NR1I3: variants seen among roughly 807,000 people sequenced by gnomAD.
NR1I3 encodes the protein constitutive activator of retinoid response.
NR1I3 carries 30 observed loss-of-function variants against 38.4 expected under a neutral mutation model. The observed-to-expected ratio is 0.78, with a 90% CI of 0.58 to 1.06. The LOEUF (loss-of-function observed/expected upper bound fraction) is 1.06, where lower values mean the gene tolerates loss of function less well. NR1I3 is among the 50% of genes least tolerant of loss of function. The pLI, the probability that NR1I3 is intolerant of heterozygous loss-of-function variation, is 0.00. For missense variants in NR1I3, 388 were observed against 435.7 expected, an observed-to-expected ratio of 0.89 and a Z score of 0.97; for synonymous variants, 143 against 165.1, an observed-to-expected ratio of 0.87 and a Z score of 1.03.
chr1:161,231,496 G>A, intron 5 of NR1I3, 22 bp from the exon 6 acceptor site: 1 of 1,573,592 alleles, frequency 6.4e-7, no homozygotes, highest in Non-Finnish European at 8.5e-7. Flanking sequence ...AGGAAACAAG[G>A]ACACTTTTCA....
chr1:161,233,949 G>GTATATATGTA (rs1668017518), intron 3 of NR1I3, among the ~76,000 whole-genome samples: 1 of 144,012 alleles, frequency 6.9e-6, no homozygotes, highest in Non-Finnish European at 1.5e-5. Flanking sequence ...GTATATATGT[G>GTATATATGTA]TATATATGTG....
intron 1 of NR1I3, among the ~76,000 whole-genome samples, chr1:161,237,406 A>G (rs1475144611): frequency 6.6e-6 from 1 of 151,412 alleles, no homozygotes; most frequent in Non-Finnish European, 1.5e-5. Flanking sequence ...GTTTCACCAT[A>G]TTGGCCAGGC....
chr1:161,229,993 C>A, intron 8 of NR1I3, 67 bp from the exon 9 acceptor site: 1 of 1,581,062 alleles, frequency 6.3e-7, no homozygotes, highest in Admixed American at 1.7e-5. Flanking sequence ...AGTCTTGTCT[C>A]TAGGCCCTGA....
Position 161,238,065 on chromosome 1 carries a change from C to T in NR1I3, c.-58G>A. 1 of 1,614,000 alleles carries T rather than the reference C, an allele frequency of 6.2e-7. No individual in the cohort carries two copies. Among genetic ancestry groups the T allele is most frequent in the South Asian group, 1.1e-5 (1 of 91,080 alleles). Reference sequence around the variant, plus strand: ...CCTGCTTCTCTTAGGCAGCATGTCACCTGCAGGCCACAGAATCTGGTATGG... The same window carrying T: ...CCTGCTTCTCTTAGGCAGCATGTCATCTGCAGGCCACAGAATCTGGTATGG... On this transcript the variant is annotated 5_prime_UTR_variant, in exon 1 of 9. It adds an upstream start codon to the 5' untranslated region. Transcript: ENST00000367983.
intron 8 of NR1I3, chr1:161,230,271 TA>T (rs1488592750): frequency 3.1e-6 from 1 of 320,550 alleles, no homozygotes; most frequent in Non-Finnish European, 5.8e-6. Flanking sequence ...TTCTATGGTA[TA>T]AAGCATCCCC....
chr1:161,229,917 A>G lies in NR1I3; in HGVS notation c.927T>C (p.Tyr309=), dbSNP rs1295404457. The G allele has an allele frequency of 1.9e-6, 3 of 1,614,070 alleles. No individual in the cohort carries two copies. The highest frequency in any genetic ancestry group is 1.7e-5 in the Admixed American group (1 of 60,006). Residue 309 remains tyrosine (Y), a synonymous_variant, in exon 9 of 9, where the codon TAT becomes TAC. Coordinates refer to ENST00000367983, the MANE Select transcript of NR1I3 (RefSeq NM_005122.5). The stretch of plus-strand genomic sequence containing the variant: ...CAGCCAGCAGGCCTAGCAACTTCGC[A>G]TACAGAAACCTTTGGAGGAAGTAGT... The part of the protein sequence containing the change: ...QQRRPRDRFL[Y]AKLLGLLAEL...
Position 161,232,024 on chromosome 1 carries a change from G to A in NR1I3, c.549-550C>T, listed in dbSNP as rs1667442188. Among the ~76,000 whole-genome samples the A allele has an allele frequency of 2.0e-5, 3 of 151,810 alleles. No homozygotes were observed. In the South Asian group the frequency reaches 6.2e-4, roughly 32 times the overall value. ...TATTTTTGAGACAGAGTGTTGCTCT[G>A]TCACCCAGGCTGGATGTAGTGGCCT... is the stretch of plus-strand genomic sequence containing the variant. On this transcript the variant is annotated intron_variant, in intron 5 of 8. Transcript: ENST00000367983.
chr1:161,230,101 G>T, intron 8 of NR1I3, 175 bp from the exon 9 acceptor site: 2 of 708,980 alleles, frequency 2.8e-6, no homozygotes, highest in Non-Finnish European at 4.6e-6. Flanking sequence ...TCCTCCAGGG[G>T]GCCTCGGTCT....
chr1:161,230,154 G>A (rs1666818844), intron 8 of NR1I3: 2 of 525,806 alleles, frequency 3.8e-6, no homozygotes, highest in East Asian at 3.4e-5. Flanking sequence ...TCTGAACCCA[G>A]AGCTCTGAGA....
chr1:161,234,156 C>A (rs1309146421), intron 3 of NR1I3, among the ~76,000 whole-genome samples: 1 of 148,902 alleles, frequency 6.7e-6, no homozygotes, highest in Non-Finnish European at 1.5e-5. Flanking sequence ...TCACGCCCTG[C>A]TAATTTTTTT....
chr1:161,233,837 A>ATATGTGTG (rs1491171086), intron 3 of NR1I3, among the ~76,000 whole-genome samples: 2 of 118,578 alleles, frequency 1.7e-5, no homozygotes, highest in Non-Finnish European at 3.4e-5. Flanking sequence ...TCATATATAT[A>ATATGTGTG]TGTGTGTGTG....
At position 161,230,021 on chromosome 1, in the gene NR1I3, C is replaced by T; in HGVS notation, c.918-95G>A. The T allele has an allele frequency of 2.1e-6, 3 of 1,429,296 alleles. No homozygotes were observed. In the South Asian group the frequency reaches 3.8e-5, roughly 18 times the overall value. The allele number at this position is 1,429,296 out of a possible 1,614,324, so 88.5% of individuals were successfully genotyped here. ...GGCCCTGATCCCCTGAACTATTCCT[C>T]AGTGAAGCCAGGTCTGAACATTAGA... On this transcript the variant is annotated intron_variant, in intron 8 of 8. Coordinates refer to ENST00000367983, the MANE Select transcript of NR1I3 (RefSeq NM_005122.5).
rs761756373 is a variant in NR1I3, at chr1:161,230,899, C to T, written c.831G>A (p.Gln277=). ...CTTGCAGCTGATCAATCTCATCTCT[C>T]TGGGTAACTCCAGGTCGGTCTGTAA... is the stretch of plus-strand genomic sequence containing the variant. ...LFSPDRPGVT[Q]RDEIDQLQEE... is the part of the protein sequence containing the mutation. The change falls in exon 8 of 9, where the codon CAG becomes CAA. Residue 277 remains glutamine (Q), a synonymous_variant. Transcript: ENST00000367983. The T allele has an allele frequency of 1.2e-6, 2 of 1,614,128 alleles. No individual in the cohort carries two copies. Among genetic ancestry groups the T allele is most frequent in the Admixed American group, 3.3e-5 (2 of 60,022 alleles).
chr1:161,233,028 C>T (rs1667704908), intron 4 of NR1I3, 82 bp from the exon 5 acceptor site: 1 of 1,591,580 alleles, frequency 6.3e-7, no homozygotes, highest in Non-Finnish European at 8.6e-7. Flanking sequence ...TGGAAGAGTT[C>T]CTTGCTGAGA....
intron 1 of NR1I3, 54 bp from the exon 2 acceptor site, chr1:161,236,652 G>T: frequency 6.4e-7 from 1 of 1,573,634 alleles, no homozygotes; most frequent in Non-Finnish European, 8.6e-7. Context: ...ACCCTTTTCT[G>T]TCCCTTCTAG....
At chr1:161,231,646 G>C (rs375684324) in intron 5 of NR1I3, among the ~76,000 whole-genome samples, 172 bp from the exon 6 acceptor site, 31 of 151,986 alleles carry the variant, frequency 2.0e-4, no homozygotes, top group African/African-American at 7.2e-4. Context: ...GATTACAGGC[G>C]TGTGCCACCA....
intron 5 of NR1I3, 76 bp downstream of exon 5, chr1:161,232,731 A>C: frequency 7.1e-7 from 1 of 1,410,516 alleles, no homozygotes; most frequent in South Asian, 1.2e-5. Context: ...GATAATTTGT[A>C]GTCAGTGACT....
At chr1:161,230,765 C>G (rs1282218763) in intron 8 of NR1I3, 48 bp downstream of exon 8, 1 of 1,612,400 alleles carries the variant, frequency 6.2e-7, no homozygotes, top group Non-Finnish European at 8.5e-7. Flanking sequence ...TTTCACCAAC[C>G]CCTTCCTGCC....
chr1:161,230,006 C>T, intron 8 of NR1I3, 80 bp from the exon 9 acceptor site: 2 of 1,531,332 alleles, frequency 1.3e-6, no homozygotes, highest in South Asian at 1.2e-5. Context: ...GGCCCTGATC[C>T]CCTGAACTAT....
Sources: allele counts gnomAD v4.1 joint callset (sites outside exome capture counted in the v4.1 genomes callset), GRCh38; gene constraint gnomAD v4.1.1; transcripts MANE v1.5; gene names NCBI Gene and HGNC (gene_info 2026-07-23, HGNC 2026-07-21).